The following DLGAP2 variants were observed in gnomAD, a reference collection of about 807,000 sequenced individuals.
DLGAP2 encodes disks large-associated protein 2.
DLGAP2 carries 26 observed loss-of-function variants against 100.3 expected under a neutral mutation model. That is an observed-to-expected ratio of 0.26 (90% CI 0.19 to 0.36). DLGAP2 has a LOEUF of 0.36. Ranked by LOEUF, DLGAP2 falls within the 10% of genes least tolerant of loss-of-function variation. The probability of loss-of-function intolerance (pLI) is 1.00; values close to 1 mark genes in which losing one functional copy is unlikely to be tolerated. For missense variants in DLGAP2, 1,858 were observed against 1,453.2 expected, an observed-to-expected ratio of 1.28 and a Z score of -4.53; for synonymous variants, 886 against 630.1, an observed-to-expected ratio of 1.41 and a Z score of -6.08.
At chr8:1,423,857 C>T (rs753489859) in intron 3 of DLGAP2, among the ~76,000 whole-genome samples, 12 of 152,170 alleles carry the variant, frequency 7.9e-5, no homozygotes, top group South Asian at 4.1e-4. Flanking sequence ...GACACTTGCA[C>T]GTCTACAGCC....
chr8:949,409 G>T (rs766916123), intron 2 of DLGAP2, among the ~76,000 whole-genome samples: 10 of 152,288 alleles, frequency 6.6e-5, no homozygotes, highest in Non-Finnish European at 1.2e-4. Flanking sequence ...GGCCGCCCAG[G>T]AGTGAATGCG....
At chr8:986,058 A>C (rs1800478195) in intron 2 of DLGAP2, among the ~76,000 whole-genome samples, 1 of 152,186 alleles carries the variant, frequency 6.6e-6, no homozygotes, top group Non-Finnish European at 1.5e-5. Flanking sequence ...CTGGTTGGGA[A>C]GAAGTTTCTG....
At chr8:854,949 G>A (rs909170871) in intron 1 of DLGAP2, among the ~76,000 whole-genome samples, 9 of 152,242 alleles carry the variant, frequency 5.9e-5, no homozygotes, top group Non-Finnish European at 1.0e-4. Context: ...GGCAGCAACC[G>A]AGGAGCGGTT....
intron 3 of DLGAP2, among the ~76,000 whole-genome samples, chr8:1,449,479 C>G (rs1361264031): frequency 6.6e-6 from 1 of 152,136 alleles, no homozygotes; most frequent in Non-Finnish European, 1.5e-5. Context: ...CGGGACGGCA[C>G]CAGCGGGCAT....
intron 5 of DLGAP2, among the ~76,000 whole-genome samples, chr8:1,559,748 A>T (rs889416036): frequency 1.3e-5 from 2 of 152,226 alleles, no homozygotes; most frequent in Admixed American, 1.3e-4. Context: ...AGCCAGCCTC[A>T]GCCTCCCTTC....
intron 3 of DLGAP2, among the ~76,000 whole-genome samples, chr8:1,445,053 A>T (rs1386086400): frequency 4.1e-5 from 6 of 146,864 alleles, no homozygotes; most frequent in African/African-American, 1.5e-4. Context: ...TACAGGCATG[A>T]GCCACCGCGC....
chr8:1,669,494 T>A (rs551710713), intron 9 of DLGAP2, among the ~76,000 whole-genome samples: 1 of 152,242 alleles, frequency 6.6e-6, no homozygotes, highest in Non-Finnish European at 1.5e-5. Flanking sequence ...CGTCAAGCCC[T>A]CTGCCAACAC....
chr8:749,834 C>G (rs894111581), intron 1 of DLGAP2, among the ~76,000 whole-genome samples: 1 of 152,196 alleles, frequency 6.6e-6, no homozygotes, highest in Non-Finnish European at 1.5e-5. Flanking sequence ...ATCCTGGGGC[C>G]TGCTCCCTCC....
At chr8:1,316,343 G>A (rs1411207761) in intron 3 of DLGAP2, among the ~76,000 whole-genome samples, 1 of 135,264 alleles carries the variant, frequency 7.4e-6, no homozygotes, top group African/African-American at 2.9e-5. Flanking sequence ...TAGAGCCTGT[G>A]CGAGTGCAGC....
intron 2 of DLGAP2, among the ~76,000 whole-genome samples, chr8:1,053,949 T>A (rs1209652341): frequency 1.3e-5 from 2 of 152,280 alleles, no homozygotes; most frequent in East Asian, 3.9e-4. Flanking sequence ...TTGATGAATT[T>A]CACTTTTATT....
At chr8:753,583 G>A (rs1207445104) in intron 1 of DLGAP2, 1 of 152,290 alleles carries the variant, frequency 6.6e-6, no homozygotes, top group Non-Finnish European at 1.5e-5. Flanking sequence ...GATGCCTGGG[G>A]GAATGAAAAG....
At chr8:1,089,123 C>A (rs1020781242) in intron 2 of DLGAP2, among the ~76,000 whole-genome samples, 1 of 149,872 alleles carries the variant, frequency 6.7e-6, no homozygotes. Flanking sequence ...CTCACTCTCT[C>A]CACCCCTCAT....
rs746031654 is a variant in DLGAP2, at chr8:758,491, G to A, written c.18+20666G>A. 4.1e-4 allele frequency among the ~76,000 whole-genome samples: 63 copies of A among 152,296 alleles called. 1 individual carries two copies. The highest frequency in any genetic ancestry group is 7.1e-4 in the Non-Finnish European group (48 of 68,028). On this transcript the variant is annotated intron_variant, in intron 1 of 14. Transcript: ENST00000637795. The stretch of plus-strand genomic sequence containing the variant: ...TAGGAGCTACAATTGAAAAGCAAGA[G>A]CGTCTTGCTCCACCTCTGCCCATCC...
intron 2 of DLGAP2, among the ~76,000 whole-genome samples, chr8:1,245,377 C>T (rs571516136): frequency 6.6e-6 from 1 of 152,190 alleles, no homozygotes; most frequent in Non-Finnish European, 1.5e-5. Flanking sequence ...GATAAATATG[C>T]TGTGGTCCAT....
At chr8:1,342,669 C>G (rs1433756226) in intron 3 of DLGAP2, among the ~76,000 whole-genome samples, 1 of 152,182 alleles carries the variant, frequency 6.6e-6, no homozygotes, top group Non-Finnish European at 1.5e-5. Context: ...TCTGTTATTT[C>G]TCATCCCTAA....
chr8:1,247,362 T>C (rs1417933700), intron 2 of DLGAP2, among the ~76,000 whole-genome samples: 4 of 138,938 alleles, frequency 2.9e-5, no homozygotes. Flanking sequence ...TTGACATCAG[T>C]GTGGGAGTGA....
intron 1 of DLGAP2, among the ~76,000 whole-genome samples, chr8:813,866 G>T (rs1376039334): frequency 6.6e-6 from 1 of 152,110 alleles, no homozygotes; most frequent in Non-Finnish European, 1.5e-5. Context: ...ATGTTCTTCT[G>T]CCGAATGTTC....
At chr8:1,238,667 C>G (rs1270799434) in intron 2 of DLGAP2, among the ~76,000 whole-genome samples, 2 of 120,878 alleles carry the variant, frequency 1.7e-5, no homozygotes, top group East Asian at 4.8e-4. Flanking sequence ...GTGTCTAGTT[C>G]TCTCTCACAC....
chr8:916,821 GC>G (rs1171338424), intron 2 of DLGAP2, among the ~76,000 whole-genome samples: 1 of 152,208 alleles, frequency 6.6e-6, no homozygotes, highest in East Asian at 1.9e-4. Context: ...GCCGGATCGT[GC>G]ATCTTGGTTT....
Sources: gnomAD v4.1 joint callset for allele counts (sites outside exome capture counted in the v4.1 genomes callset) on GRCh38, gnomAD v4.1.1 for gene constraint, MANE v1.5 for transcripts, NCBI Gene and HGNC (gene_info 2026-07-23, HGNC 2026-07-21) for gene names.